ANK1: variants seen among roughly 807,000 people sequenced by gnomAD.
ANK1 encodes the protein ankyrin 1.
Under a neutral mutation model 210.4 loss-of-function variants are expected in ANK1, and 51 were observed. The ratio of observed to expected loss-of-function variants is 0.24; its 90% CI spans 0.19 to 0.31. The LOEUF (loss-of-function observed/expected upper bound fraction) is 0.31. Among genes scored for constraint, ANK1 ranks in the 10% least tolerant of loss-of-function variants. ANK1 has a pLI of 1.00. For missense variants in ANK1, 2,051 were observed against 2,504.4 expected (o/e 0.82, Z 3.86); for synonymous variants, 967 against 1,025.9 (o/e 0.94, Z 1.10).
chr8:41,702,620 C>T (rs57200342), intron 20 of ANK1, among the ~76,000 whole-genome samples: 1 of 152,180 alleles, frequency 6.6e-6, no homozygotes, highest in Admixed American at 6.5e-5. Context: ...TCAGAATACT[C>T]GGAAATCACA....
chr8:41,751,844 C>T (rs1748525966), intron 2 of ANK1, among the ~76,000 whole-genome samples: 1 of 152,146 alleles, frequency 6.6e-6, no homozygotes, highest in Non-Finnish European at 1.5e-5. Flanking sequence ...TTGTGTAACA[C>T]CTTCAAATGA....
chr8:41,818,050 C>T (rs543082952), intron 1 of ANK1, among the ~76,000 whole-genome samples: 9 of 152,316 alleles, frequency 5.9e-5, no homozygotes, highest in South Asian at 2.1e-4. Flanking sequence ...CAATAACCCA[C>T]GTGCCCCCGC....
At chr8:41,733,684 T>C (rs1016813976) in intron 3 of ANK1, among the ~76,000 whole-genome samples, 1 of 152,190 alleles carries the variant, frequency 6.6e-6, no homozygotes, top group African/African-American at 2.4e-5. Context: ...CCAGAGCCCT[T>C]GGACACTGAG....
chr8:41,833,652 A>T (rs1416167643), intron 1 of ANK1, among the ~76,000 whole-genome samples: 1 of 152,164 alleles, frequency 6.6e-6, no homozygotes, highest in Non-Finnish European at 1.5e-5. Flanking sequence ...GATGGGCTAG[A>T]GTTTGCCTGA....
chr8:41,893,824 T>G (rs1435127084), intron 1 of ANK1, among the ~76,000 whole-genome samples: 1 of 152,168 alleles, frequency 6.6e-6, no homozygotes, highest in South Asian at 2.1e-4. Flanking sequence ...AGCTGTAAAG[T>G]CCTCAGCTGC....
intron 1 of ANK1, among the ~76,000 whole-genome samples, chr8:41,895,646 C>T (rs548913284): frequency 3.9e-5 from 6 of 152,244 alleles, no homozygotes; most frequent in African/African-American, 7.2e-5. Flanking sequence ...CTGGAGCACC[C>T]GTGCCTGGCT....
intron 20 of ANK1, 79 bp downstream of exon 20, chr8:41,703,962 C>G: frequency 7.4e-7 from 1 of 1,358,508 alleles, no homozygotes. Context: ...GTGCATTAAC[C>G]TCTACGGTTA....
intron 31 of ANK1, 52 bp from the exon 32 acceptor site, chr8:41,690,651 T>C: frequency 6.3e-7 from 1 of 1,596,270 alleles, no homozygotes; most frequent in Non-Finnish European, 8.5e-7. Context: ...AGGGCCCAGA[T>C]GTCCCTCCTT....
intron 3 of ANK1, among the ~76,000 whole-genome samples, chr8:41,730,285 T>C (rs1173445729): frequency 3.3e-5 from 5 of 152,248 alleles, no homozygotes; most frequent in Middle Eastern, 3.4e-3. Flanking sequence ...CAGTTCTGTT[T>C]CTTGTACTCT....
chr8:41,882,104 T>C (rs903780043), intron 1 of ANK1, among the ~76,000 whole-genome samples: 4 of 152,180 alleles, frequency 2.6e-5, no homozygotes, highest in Admixed American at 6.5e-5. Flanking sequence ...TGCGCAGTGG[T>C]GTGAAATGCA....
At chr8:41,821,947 G>A (rs1307087423) in intron 1 of ANK1, among the ~76,000 whole-genome samples, 1 of 151,996 alleles carries the variant, frequency 6.6e-6, no homozygotes, top group Non-Finnish European at 1.5e-5. Context: ...CTACGCCGGA[G>A]GCTGAGGCAA....
At position 41,797,235 on chromosome 8, in the gene ANK1, G is replaced by C. The variant is rs112406538; in HGVS notation, c.27+277C>G. Among the ~76,000 whole-genome samples, 2,851 of 152,354 alleles carry C rather than the reference G, an allele frequency of 0.019. 34 individuals carry two copies. Among genetic ancestry groups the C allele is most frequent in the African/African-American group, 0.027 (1,124 of 41,598 alleles). On this transcript the variant is annotated intron_variant, in intron 1 of 42. Coordinates refer to ENST00000289734, the MANE Select transcript of ANK1 (RefSeq NM_000037.4). The surrounding 1 kb of genome is among the most constrained non-coding windows in gnomAD (Gnocchi z 4.0). ...TCCCTCCCCAGCGCTATTGCTGACA[G>C]GACATAATTCAGAGACCCAGGTAGT... is the stretch of plus-strand genomic sequence containing the variant.
At chr8:41,680,565 CAAAAA>C (rs3063741) in intron 37 of ANK1, among the ~76,000 whole-genome samples, 2 of 123,572 alleles carry the variant, frequency 1.6e-5, no homozygotes. Context: ...AACTCTATCT[CAAAAA>C]AAAAAAAAAA....
chr8:41,877,037 T>C (rs1386697189), intron 1 of ANK1, among the ~76,000 whole-genome samples: 2 of 152,204 alleles, frequency 1.3e-5, no homozygotes, highest in Non-Finnish European at 1.5e-5. Context: ...CTCACATCTG[T>C]AATCCCAGTG....
In ANK1 at chr8:41,793,663, C is replaced by T. The variant is rs1022497908; in HGVS notation, c.27+3849G>A. Among the ~76,000 whole-genome samples the T allele has an allele frequency of 3.3e-5, 5 of 152,338 alleles. No homozygotes were observed. The South Asian group carries it at 8.3e-4, about 25-fold the overall frequency. On this transcript the variant is annotated intron_variant, in intron 1 of 42. Transcript: ENST00000289734. ...TCACAGCTCTGCTCTTGCACACTTA[C>T]ACCCGAGCTTTCTTGACAGCTCATG...
intron 1 of ANK1, among the ~76,000 whole-genome samples, chr8:41,783,027 G>T: frequency 6.6e-6 from 1 of 152,190 alleles, no homozygotes; most frequent in East Asian, 1.9e-4. Context: ...TGTTAAACCA[G>T]CCAAGCAAAC....
rs555633216 is a variant in ANK1, at chr8:41,868,771, C to T, written c.126+27584G>A. Among the ~76,000 whole-genome samples the T allele has an allele frequency of 5.3e-5, 8 of 152,174 alleles. No individual in the cohort carries two copies. In the South Asian group the frequency reaches 1.5e-3, roughly 28 times the overall value. ...CCCTTCAAAATCTTTTTTAAAAGAG[C>T]TTAGAAATTTTCAGAGGGGCGTGCA... On this transcript the variant is annotated intron_variant, in intron 1 of 42. Transcript: ENST00000265709.
chr8:41,753,028 C>G (rs1287449234), intron 2 of ANK1, among the ~76,000 whole-genome samples: 1 of 151,294 alleles, frequency 6.6e-6, no homozygotes, highest in Non-Finnish European at 1.5e-5. Flanking sequence ...AAACGCTCCA[C>G]TCCTCCAGGT....
chr8:41,838,771 A>AAT (rs1035952619), intron 1 of ANK1, among the ~76,000 whole-genome samples: 4 of 144,558 alleles, frequency 2.8e-5, no homozygotes, highest in Non-Finnish European at 4.5e-5. Flanking sequence ...TCTCAAAAAT[A>AAT]ATAATAATAA....
Sources: gnomAD v4.1 joint callset for allele counts (sites outside exome capture counted in the v4.1 genomes callset) on GRCh38, gnomAD v4.1.1 for gene constraint, Gnocchi (gnomAD v3.1) non-coding constraint, MANE v1.5 for transcripts, NCBI Gene and HGNC (gene_info 2026-07-23, HGNC 2026-07-21) for gene names.